The following ALOX5 variants were observed in gnomAD, a reference collection of about 807,000 sequenced individuals.
ALOX5 encodes the protein arachidonate 5-lipoxygenase, also known as polyunsaturated fatty acid 5-lipoxygenase.
ALOX5 carries 64 observed loss-of-function variants against 87.9 expected under a neutral mutation model. That is an observed-to-expected ratio of 0.73 (90% confidence interval 0.60 to 0.90). ALOX5 has a LOEUF of 0.90. Ranked by LOEUF, ALOX5 falls within the 40% of genes least tolerant of loss-of-function variation. ALOX5 has a pLI of 0.00. For synonymous variants in ALOX5, 388 were observed against 355.1 expected (o/e 1.09, Z -1.04); for missense variants, 822 against 907.5 (o/e 0.91, Z 1.21).
intron 3 of ALOX5, among the ~76,000 whole-genome samples, chr10:45,401,051 T>A (rs1472995105): frequency 2.0e-5 from 3 of 152,180 alleles, no homozygotes; most frequent in Non-Finnish European, 4.4e-5. Context: ...CCTCTACAAG[T>A]GTTTGATGGA....
intron 12 of ALOX5, 60 bp from the exon 13 acceptor site, chr10:45,444,056 G>A: frequency 1.3e-6 from 2 of 1,485,638 alleles, no homozygotes; most frequent in Non-Finnish European, 1.8e-6. Flanking sequence ...CGGGGCCCAG[G>A]GGGCAGCTGG....
In ALOX5 at chr10:45,396,441, A is replaced by T. The variant is rs143917143; in HGVS notation, c.431+505A>T. On this transcript the variant is annotated intron_variant, in intron 3 of 13. Transcript: ENST00000374391. ...ATCAATACAGAAATTAAAATTAATA[A>T]AAAAGAATACTATGAACAATTGCAT... Among the ~76,000 whole-genome samples, 503 of 152,336 alleles carry T rather than the reference A, an allele frequency of 3.3e-3. 15 individuals are homozygous for T. Among genetic ancestry groups the T allele is most frequent in the East Asian group, 0.029 (153 of 5,194 alleles).
intron 1 of ALOX5, among the ~76,000 whole-genome samples, chr10:45,380,007 G>A (rs540767521): frequency 1.3e-5 from 2 of 152,272 alleles, no homozygotes; most frequent in East Asian, 3.9e-4. Context: ...GCGTGGGGCA[G>A]GCCCGACGCG....
chr10:45,424,866 G>A, intron 5 of ALOX5, 94 bp from the exon 6 acceptor site: 1 of 1,487,766 alleles, frequency 6.7e-7, no homozygotes, highest in Non-Finnish European at 9.2e-7. Context: ...AGGAGACCAA[G>A]CAGGGACTCT....
intron 1 of ALOX5, among the ~76,000 whole-genome samples, chr10:45,381,282 G>C (rs1839817484): frequency 6.6e-6 from 1 of 152,282 alleles, no homozygotes. Context: ...TGGTCTCACT[G>C]TTCTCTGGGC....
Position 45,382,553 on chromosome 10 carries a change from A to G in ALOX5, c.221A>G (p.Lys74Arg), listed in dbSNP as rs1184059488. ...EIQLVRIEKR[K>R]YWLNDDWYLK... Reference sequence around the variant, plus strand: ...CAGCTGGTCAGAATCGAGAAGCGCAAGTACTGGCTGAATGACGACTGGTAC... The same window carrying G: ...CAGCTGGTCAGAATCGAGAAGCGCAGGTACTGGCTGAATGACGACTGGTAC... Residue 74 changes from lysine to arginine, a missense_variant, in exon 2 of 14, where the codon AAG becomes AGG. Physicochemically the swap from Lys to Arg is conservative, Grantham distance 26. Transcript: ENST00000374391. 1 of 1,614,070 alleles carries G rather than the reference A, an allele frequency of 6.2e-7. No homozygotes were observed. The highest frequency in any genetic ancestry group is 8.5e-7 in the Non-Finnish European group (1 of 1,180,038).
chr10:45,424,675 C>T (rs184019449), intron 5 of ALOX5, among the ~76,000 whole-genome samples: 17 of 152,334 alleles, frequency 1.1e-4, no homozygotes, highest in Non-Finnish European at 2.2e-4. Flanking sequence ...AGGGACTCTC[C>T]TCCACGCCCT....
chr10:45,404,411 G>T (rs1475553149), intron 3 of ALOX5, among the ~76,000 whole-genome samples: 2 of 152,250 alleles, frequency 1.3e-5, no homozygotes, highest in Non-Finnish European at 1.5e-5. Context: ...AGGAGAAGCA[G>T]ACCCAGGTCA....
intron 2 of ALOX5, among the ~76,000 whole-genome samples, chr10:45,386,573 A>C (rs1327457612): frequency 6.6e-6 from 1 of 151,692 alleles, no homozygotes; most frequent in Admixed American, 6.6e-5. Context: ...TGACTTTTGC[A>C]CCTAATAAGA....
At chr10:45,384,906 G>A (rs1159511605) in intron 2 of ALOX5, among the ~76,000 whole-genome samples, 3 of 151,970 alleles carry the variant, frequency 2.0e-5, no homozygotes, top group Admixed American at 6.5e-5. Context: ...GCAGTGGCAC[G>A]ATCTCAGCCC....
chr10:45,441,305 C>T, intron 8 of ALOX5, 39 bp from the exon 9 acceptor site: 1 of 1,588,154 alleles, frequency 6.3e-7, no homozygotes. Context: ...GGTCACCTGA[C>T]TGGGCCCCCT....
intron 2 of ALOX5, among the ~76,000 whole-genome samples, chr10:45,393,353 C>T (rs1193247658): frequency 2.0e-5 from 3 of 152,094 alleles, no homozygotes; most frequent in African/African-American, 7.2e-5. Context: ...AGACAAAAAC[C>T]ACATGATTAT....
At chr10:45,412,359 C>A in intron 4 of ALOX5, 46 bp downstream of exon 4, 1 of 1,609,008 alleles carries the variant, frequency 6.2e-7, no homozygotes, top group Non-Finnish European at 8.5e-7. Flanking sequence ...CCTCCAGTGG[C>A]TGGTGCTGGG....
rs868151328 is a variant in ALOX5, at chr10:45,442,743, C to T, written c.1273-295C>T. On this transcript the variant is annotated intron_variant, in intron 9 of 13. Transcript: ENST00000374391. ...GCTGGTGCTGGGGTCCCCCACACAC[C>T]TGCCCACGCCTGCTGCCCTCCTGTG... is the stretch of plus-strand genomic sequence containing the variant. 1.5e-5 allele frequency: 6 copies of T among 407,518 alleles called. No homozygotes were observed. In the South Asian group the frequency reaches 3.1e-4, roughly 21 times the overall value. 25.2% of individuals were successfully genotyped at this position (407,518 alleles called of 1,614,324 possible). A position where few individuals can be genotyped will look rare whatever the true frequency, so the allele number is the denominator to read the frequency against.
At chr10:45,383,690 G>C (rs1447068627) in intron 2 of ALOX5, among the ~76,000 whole-genome samples, 1 of 152,088 alleles carries the variant, frequency 6.6e-6, no homozygotes, top group Admixed American at 6.5e-5. Flanking sequence ...AAGTTATTCT[G>C]TACCTGCTGT....
At chr10:45,443,986 C>T (rs147613891) in intron 12 of ALOX5, 130 bp from the exon 13 acceptor site, 122 of 1,431,430 alleles carry the variant, frequency 8.5e-5, no homozygotes, top group Non-Finnish European at 1.0e-4. Context: ...GGGCGCTGGC[C>T]GCGGGGAAAG....
At position 45,425,242 on chromosome 10, in the gene ALOX5, C is replaced by A; in HGVS notation, c.834+110C>A. ...ACCAAGACGCTAACTGCAGGCCCATCTGGCCTACAGCAGCCGCTTCCTTTT... is the reference window on the plus strand; with the variant it reads ...ACCAAGACGCTAACTGCAGGCCCATATGGCCTACAGCAGCCGCTTCCTTTT... On this transcript the variant is annotated intron_variant, in intron 6 of 13. Transcript: ENST00000374391. The surrounding 1 kb of genome is among the most constrained non-coding windows in gnomAD (Gnocchi z 4.4). 1.5e-6 allele frequency: 2 copies of A among 1,336,660 alleles called. No individual in the cohort carries two copies. The highest frequency in any genetic ancestry group is 2.0e-6 in the Non-Finnish European group (2 of 994,582). The allele number at this position is 1,336,660 out of a possible 1,614,324, so 82.8% of individuals were successfully genotyped here.
At chr10:45,400,335 C>G (rs1840654832) in intron 3 of ALOX5, among the ~76,000 whole-genome samples, 4 of 152,222 alleles carry the variant, frequency 2.6e-5, no homozygotes, top group South Asian at 4.1e-4. Context: ...CGCGGAGGCT[C>G]ACACCTGTAA....
In ALOX5 at chr10:45,413,372, G is replaced by A. The variant is rs952762176; in HGVS notation, c.554+1059G>A. Among the ~76,000 whole-genome samples, 3 of 152,154 alleles carry A rather than the reference G, an allele frequency of 2.0e-5. No homozygotes were observed. The South Asian group carries it at 6.2e-4, about 32-fold the overall frequency. On this transcript the variant is annotated intron_variant, in intron 4 of 13. Coordinates refer to ENST00000374391, the MANE Select transcript of ALOX5 (RefSeq NM_000698.5). ...GATTATCTCAATAGATGCAGAAAAGGCCTTTGACAAAATTCAACAACCATT... is the reference window on the plus strand; with the variant it reads ...GATTATCTCAATAGATGCAGAAAAGACCTTTGACAAAATTCAACAACCATT...
Sources: allele counts gnomAD v4.1 joint callset (sites outside exome capture counted in the v4.1 genomes callset), GRCh38; gene constraint gnomAD v4.1.1; non-coding constraint Gnocchi (gnomAD v3.1); transcripts MANE v1.5; gene names NCBI Gene and HGNC (gene_info 2026-07-23, HGNC 2026-07-21).